The following DPP10 variants were observed in gnomAD, a reference collection of about 807,000 sequenced individuals.
The protein encoded by DPP10 is inactive dipeptidyl peptidase 10.
DPP10 carries 33 observed loss-of-function variants against 120.9 expected under a neutral mutation model. The ratio of observed to expected loss-of-function variants is 0.27; its 90% confidence interval spans 0.21 to 0.37. DPP10 has a LOEUF of 0.37. Ranked by LOEUF, DPP10 falls within the 10% of genes least tolerant of loss-of-function variation. DPP10 has a pLI of 1.00. For synonymous variants in DPP10, 337 were observed against 326.1 expected, an observed-to-expected ratio of 1.03 and a Z score of -0.36; for missense variants, 816 against 942.8, an observed-to-expected ratio of 0.87 and a Z score of 1.76.
At chr2:114,576,873 G>GC (rs1553464717) in intron 1 of DPP10, among the ~76,000 whole-genome samples, 2 of 148,902 alleles carry the variant, frequency 1.3e-5, no homozygotes, top group South Asian at 2.1e-4. Context: ...TGGGAAGAGT[G>GC]TTTTTTTTTT....
At chr2:115,807,072 C>G (rs1198499638) in intron 19 of DPP10, among the ~76,000 whole-genome samples, 1 of 152,138 alleles carries the variant, frequency 6.6e-6, no homozygotes, top group African/African-American at 2.4e-5. Context: ...TATCCTAGCT[C>G]TGTGATGATA....
At chr2:115,240,064 C>T (rs973012957) in intron 1 of DPP10, among the ~76,000 whole-genome samples, 7 of 152,164 alleles carry the variant, frequency 4.6e-5, no homozygotes, top group East Asian at 1.9e-4. Context: ...AATAAACATA[C>T]GTGTGCATGT....
chr2:115,573,574 G>A lies in DPP10; in HGVS notation c.441+47602G>A, dbSNP rs185061707. Among the ~76,000 whole-genome samples the A allele has an allele frequency of 1.9e-3, 253 of 136,196 alleles. 1 individual carries two copies. Among genetic ancestry groups the A allele is most frequent in the African/African-American group, 6.8e-3 (247 of 36,234 alleles). 89.3% of individuals were successfully genotyped at this position (136,196 alleles called of 152,430 possible). A position where few individuals can be genotyped will look rare whatever the true frequency, so the allele number is the denominator to read the frequency against. On this transcript the variant is annotated intron_variant, in intron 5 of 25. Coordinates refer to ENST00000410059, the MANE Select transcript of DPP10 (RefSeq NM_020868.6). ...TGGGATTACAGGCGTGAGCCACTGC[G>A]CCCGGCCTTTTTTTTTTTTTTTTTT...
In DPP10 at chr2:115,307,053, C is replaced by A. The variant is rs563264322; in HGVS notation, c.61-2186C>A. The stretch of plus-strand genomic sequence containing the variant: ...GATTTTATGAACTAGAACTCCAGCT[C>A]TCCTACTTATTAGTGATAAAAGGAT... On this transcript the variant is annotated intron_variant, in intron 1 of 25. Transcript: ENST00000410059. 6.6e-5 allele frequency among the ~76,000 whole-genome samples: 10 copies of A among 152,212 alleles called. No individual in the cohort carries two copies. The East Asian group carries it at 1.9e-3, about 29-fold the overall frequency.
At chr2:115,345,065 G>A (rs1028937106) in intron 3 of DPP10, among the ~76,000 whole-genome samples, 1 of 152,092 alleles carries the variant, frequency 6.6e-6, no homozygotes, top group African/African-American at 2.4e-5. Context: ...TATGTCTCCT[G>A]GAGATCTGCA....
chr2:115,611,398 A>G (rs1427549134), intron 5 of DPP10, among the ~76,000 whole-genome samples: 1 of 152,182 alleles, frequency 6.6e-6, no homozygotes, highest in Non-Finnish European at 1.5e-5. Context: ...CACAGTAATT[A>G]TGGCTTTGCC....
intron 1 of DPP10, among the ~76,000 whole-genome samples, chr2:115,101,494 T>C (rs2048691927): frequency 6.6e-6 from 1 of 152,152 alleles, no homozygotes; most frequent in Admixed American, 6.5e-5. Context: ...ATATATGTAA[T>C]AATATGTTAT....
At chr2:114,894,598 G>T (rs1692814960) in intron 1 of DPP10, among the ~76,000 whole-genome samples, 1 of 152,156 alleles carries the variant, frequency 6.6e-6, no homozygotes, top group Admixed American at 6.5e-5. Flanking sequence ...CAAAGCAGCA[G>T]AAAAGGAGCT....
At chr2:114,724,922 G>T (rs1367997034) in intron 1 of DPP10, among the ~76,000 whole-genome samples, 1 of 152,114 alleles carries the variant, frequency 6.6e-6, no homozygotes, top group Non-Finnish European at 1.5e-5. Flanking sequence ...TTAGGAAGTT[G>T]CTATGCCAGC....
intron 1 of DPP10, among the ~76,000 whole-genome samples, chr2:114,775,288 T>A (rs1184388113): frequency 6.6e-6 from 1 of 152,160 alleles, no homozygotes; most frequent in Non-Finnish European, 1.5e-5. Context: ...CCCAGGAGAA[T>A]CTACCTCCAG....
chr2:115,329,965 A>G (rs1285012375), intron 2 of DPP10, among the ~76,000 whole-genome samples: 6 of 152,150 alleles, frequency 3.9e-5, no homozygotes, highest in Admixed American at 2.0e-4. Flanking sequence ...TAATGGGATC[A>G]CTGGGTCAAA....
At chr2:115,402,205 T>A (rs2068120612) in intron 3 of DPP10, among the ~76,000 whole-genome samples, 1 of 152,136 alleles carries the variant, frequency 6.6e-6, no homozygotes, top group African/African-American at 2.4e-5. Context: ...CCACAGTTTC[T>A]ACAGTTGGGA....
intron 2 of DPP10, among the ~76,000 whole-genome samples, chr2:115,309,822 G>C (rs1002408720): frequency 3.9e-5 from 6 of 152,020 alleles, no homozygotes; most frequent in African/African-American, 1.2e-4. Context: ...TATTTCTTGT[G>C]TCTTCTTTTC....
intron 3 of DPP10, among the ~76,000 whole-genome samples, chr2:115,498,402 G>A (rs2076514449): frequency 6.6e-6 from 1 of 151,984 alleles, no homozygotes; most frequent in African/African-American, 2.4e-5. Context: ...CTTTTCGTGT[G>A]TTTTTGTGGC....
chr2:115,030,753 C>A (rs1703785504), intron 1 of DPP10, among the ~76,000 whole-genome samples: 2 of 152,078 alleles, frequency 1.3e-5, no homozygotes, highest in Admixed American at 1.3e-4. Context: ...TTTTCTGTTC[C>A]TGCATCAGTT....
At chr2:115,588,772 A>T (rs563660923) in intron 5 of DPP10, among the ~76,000 whole-genome samples, 1 of 152,352 alleles carries the variant, frequency 6.6e-6, no homozygotes, top group Admixed American at 6.5e-5. Flanking sequence ...TGTTTGTTGA[A>T]CAAATGAATG....
intron 1 of DPP10, among the ~76,000 whole-genome samples, chr2:114,552,074 G>A (rs145191364): frequency 2.6e-5 from 4 of 152,268 alleles, no homozygotes; most frequent in Non-Finnish European, 4.4e-5. Flanking sequence ...GCTAGGTACC[G>A]GCAGAGACAA....
intron 5 of DPP10, among the ~76,000 whole-genome samples, chr2:115,563,663 A>G (rs964027127): frequency 6.6e-6 from 1 of 152,212 alleles, no homozygotes; most frequent in Admixed American, 6.5e-5. Context: ...GATACATGTT[A>G]TCCCTTTTTA....
Position 115,472,107 on chromosome 2 carries a change from C to T in DPP10, c.272-27403C>T, listed in dbSNP as rs139853495. Reference sequence around the variant, plus strand: ...CTCCTGGCTGTGTTGTGCAATCCTTCTAGGTGCCTGCATGCTCTGTGCTTA... The same window carrying T: ...CTCCTGGCTGTGTTGTGCAATCCTTTTAGGTGCCTGCATGCTCTGTGCTTA... On this transcript the variant is annotated intron_variant, in intron 3 of 25. Coordinates refer to ENST00000410059, the MANE Select transcript of DPP10 (RefSeq NM_020868.6). Among the ~76,000 whole-genome samples the T allele has an allele frequency of 2.1e-3, 319 of 152,208 alleles. 2 individuals are homozygous for T. Among genetic ancestry groups the T allele is most frequent in the African/African-American group, 7.4e-3 (306 of 41,536 alleles).
Sources: gnomAD v4.1 joint callset for allele counts (sites outside exome capture counted in the v4.1 genomes callset) on GRCh38, gnomAD v4.1.1 for gene constraint, MANE v1.5 for transcripts, NCBI Gene and HGNC (gene_info 2026-07-23, HGNC 2026-07-21) for gene names.